GAD1: variants seen among roughly 807,000 people sequenced by gnomAD.
GAD1 encodes the protein 67 kDa glutamic acid decarboxylase.
A neutral mutation model predicts 75.2 loss-of-function variants in GAD1; 35 were observed. The ratio of observed to expected loss-of-function variants is 0.47; its 90% CI spans 0.36 to 0.62. GAD1 has a LOEUF of 0.62. GAD1 is among the 20% of genes least tolerant of loss of function. The pLI, the probability that GAD1 is intolerant of heterozygous loss-of-function variation, is 0.00. For missense variants in GAD1, 490 were observed against 758.5 expected, an observed-to-expected ratio of 0.65 and a Z score of 4.16; for synonymous variants, 257 against 271.9, an observed-to-expected ratio of 0.95 and a Z score of 0.54.
At chr2:170,829,989 C>T (rs1340735579) in intron 4 of GAD1, 5 of 310,154 alleles carry the variant, frequency 1.6e-5, no homozygotes, top group Non-Finnish European at 3.1e-5. Flanking sequence ...CACACATACA[C>T]ACAAAATCAC....
intron 6 of GAD1, among the ~76,000 whole-genome samples, chr2:170,839,445 G>A (rs570070463): frequency 2.0e-5 from 3 of 151,906 alleles, no homozygotes; most frequent in African/African-American, 7.2e-5. Flanking sequence ...GAAACTCCAT[G>A]TCTACTAAAA....
rs1043929744 is a variant in GAD1, at chr2:170,858,682, G to C, written c.1522-122G>C. The stretch of plus-strand genomic sequence containing the variant: ...GGTGTGGAAGTAACATTGCCTTTGA[G>C]ATGAACATTCAACCTCTTTCTTTGG... On this transcript the variant is annotated intron_variant, in intron 15 of 16. Coordinates refer to ENST00000358196, the MANE Select transcript of GAD1 (RefSeq NM_000817.3). 6 of 820,426 alleles carry C rather than the reference G, an allele frequency of 7.3e-6. No individual in the cohort carries two copies. In the East Asian group the frequency reaches 1.6e-4, roughly 22 times the overall value. The allele number at this position is 820,426 out of a possible 1,614,324, so 50.8% of individuals were successfully genotyped here.
At chr2:170,847,611 T>C in intron 10 of GAD1, 65 bp from the exon 11 acceptor site, 1 of 1,058,846 alleles carries the variant, frequency 9.4e-7, no homozygotes, top group African/African-American at 1.6e-5. Context: ...TTCTTCTTCC[T>C]GTGAAAATCA....
In GAD1 at chr2:170,858,863, C is replaced by T. The variant is rs1559288194; in HGVS notation, c.1581C>T (p.Asp527=). 6.2e-7 allele frequency: 1 copy of T among 1,614,202 alleles called. No homozygotes were observed. The highest frequency in any genetic ancestry group is 8.5e-7 in the Non-Finnish European group (1 of 1,180,016). Residue 527 remains aspartate (D), a synonymous_variant, in exon 16 of 17, where the codon GAC becomes GAT. Transcript: ENST00000358196. ...YIPQSLRGVP[D]SPQRREKLHK... Reference sequence around the variant, plus strand: ...CACAAAGCCTCAGGGGTGTGCCAGACAGCCCTCAACGACGGGAAAAGCTAC... The same window carrying T: ...CACAAAGCCTCAGGGGTGTGCCAGATAGCCCTCAACGACGGGAAAAGCTAC...
In GAD1 at chr2:170,818,278, C is replaced by G. The variant is rs1055993805; in HGVS notation, c.-63-251C>G. ...CTCGGCGCTTCACTCCAGGTCGCGCCGATGCACCGCCAGACTCGAGAGCGG... is the reference window on the plus strand; with the variant it reads ...CTCGGCGCTTCACTCCAGGTCGCGCGGATGCACCGCCAGACTCGAGAGCGG... On this transcript the variant is annotated intron_variant, in intron 1 of 16. Transcript: ENST00000358196. The surrounding 1 kb of genome is among the most constrained non-coding windows in gnomAD (Gnocchi z 5.9). The G allele has an allele frequency of 7.2e-6, 3 of 417,158 alleles. No homozygotes were observed. The highest frequency in any genetic ancestry group is 2.0e-5 in the African/African-American group (1 of 49,656). The allele number at this position is 417,158 out of a possible 1,614,324, so 25.8% of individuals were successfully genotyped here. A position where few individuals can be genotyped will look rare whatever the true frequency, so the allele number is the denominator to read the frequency against.
In GAD1 at chr2:170,847,569, G is replaced by C. The variant is rs1415500021; in HGVS notation, c.1003-107G>C. 11 of 817,170 alleles carry C rather than the reference G, an allele frequency of 1.3e-5. No homozygotes were observed. The Admixed American group carries it at 1.9e-4, about 14-fold the overall frequency. 50.6% of individuals were successfully genotyped at this position (817,170 alleles called of 1,614,324 possible). A position where few individuals can be genotyped will look rare whatever the true frequency, so the allele number is the denominator to read the frequency against. The stretch of plus-strand genomic sequence containing the variant: ...TAGTATCTGGTAATACATAAGTTTT[G>C]CCATTTACTGTTAGAAATAAATGTT... On this transcript the variant is annotated intron_variant, in intron 10 of 16. Transcript: ENST00000358196.
At chr2:170,838,520 G>C (rs1282210316) in intron 6 of GAD1, among the ~76,000 whole-genome samples, 2 of 152,162 alleles carry the variant, frequency 1.3e-5, no homozygotes, top group African/African-American at 4.8e-5. Flanking sequence ...CAGAGTAAAA[G>C]ATACATATCT....
intron 6 of GAD1, among the ~76,000 whole-genome samples, chr2:170,837,167 G>T (rs1276849889): frequency 6.6e-6 from 1 of 152,122 alleles, no homozygotes; most frequent in Non-Finnish European, 1.5e-5. Context: ...TCTGTTAATG[G>T]TGTATCTAAA....
chr2:170,836,437 G>A (rs1382033251), intron 5 of GAD1, among the ~76,000 whole-genome samples: 5 of 152,144 alleles, frequency 3.3e-5, no homozygotes, highest in Non-Finnish European at 7.3e-5. Context: ...TCACAGAGGA[G>A]AGCTAAGTTA....
intron 10 of GAD1, 95 bp downstream of exon 10, chr2:170,846,158 T>A: frequency 9.5e-7 from 1 of 1,051,482 alleles, no homozygotes; most frequent in Admixed American, 2.0e-5. Flanking sequence ...ACAATTTTCT[T>A]GTGCTTCTAA....
chr2:170,852,438 GAT>G (rs1243875207), intron 12 of GAD1: 2 of 467,758 alleles, frequency 4.3e-6, no homozygotes, highest in Admixed American at 3.3e-5. Context: ...ATACCATATT[GAT>G]ATAATACCTG....
chr2:170,830,583 A>G (rs1422483765), intron 4 of GAD1, among the ~76,000 whole-genome samples: 1 of 152,246 alleles, frequency 6.6e-6, no homozygotes, highest in South Asian at 2.1e-4. Flanking sequence ...ACACCAAACC[A>G]GATAGACAGG....
intron 6 of GAD1, among the ~76,000 whole-genome samples, chr2:170,841,402 C>T (rs548461664): frequency 2.6e-4 from 40 of 152,144 alleles, no homozygotes; most frequent in African/African-American, 8.9e-4. Context: ...TCTGTAATCC[C>T]AATTAGGTGA....
At chr2:170,829,747 A>G in intron 4 of GAD1, 114 bp downstream of exon 4, 2 of 1,207,756 alleles carry the variant, frequency 1.7e-6, no homozygotes, top group South Asian at 2.7e-5. Flanking sequence ...ATTCTCTCTG[A>G]ACCCACATGA....
chr2:170,846,102 AT>A, intron 10 of GAD1, 39 bp downstream of exon 10: 1 of 1,524,080 alleles, frequency 6.6e-7, no homozygotes, highest in East Asian at 2.3e-5. Context: ...CAGTTTTAAA[AT>A]ACCTTCTTTC....
chr2:170,836,217 G>A (rs1008176150), intron 5 of GAD1, among the ~76,000 whole-genome samples: 2 of 151,442 alleles, frequency 1.3e-5, no homozygotes, highest in East Asian at 1.9e-4. Context: ...AATCTATTGC[G>A]TTGACTCCTT....
Position 170,852,783 on chromosome 2 carries a change from C to A in GAD1, c.1254C>A (p.Val418=). 6.2e-7 allele frequency: 1 copy of A among 1,614,034 alleles called. No individual in the cohort carries two copies. Among genetic ancestry groups the A allele is most frequent in the South Asian group, 1.1e-5 (1 of 91,086 alleles). The change falls in exon 13 of 17, where the codon GTC becomes GTA. Residue 418 remains valine, a synonymous_variant. Coordinates refer to ENST00000358196, the MANE Select transcript of GAD1 (RefSeq NM_000817.3). The part of the protein sequence containing the change: ...GVLLQCSAIL[V]KEKGILQGCN... ...TGTTGCAGTGCTCTGCCATTCTCGTCAAGGAAAAGGTCTGTACTCCCTCCA... is the reference window on the plus strand; with the variant it reads ...TGTTGCAGTGCTCTGCCATTCTCGTAAAGGAAAAGGTCTGTACTCCCTCCA...
intron 12 of GAD1, among the ~76,000 whole-genome samples, chr2:170,850,579 G>A (rs1197252720): frequency 2.6e-5 from 4 of 152,154 alleles, no homozygotes; most frequent in African/African-American, 4.8e-5. Flanking sequence ...GGGAGAGCCC[G>A]CCCAGGGCTT....
chr2:170,822,872 G>A (rs1419863182), intron 3 of GAD1, among the ~76,000 whole-genome samples: 2 of 152,250 alleles, frequency 1.3e-5, no homozygotes, highest in East Asian at 1.9e-4. Context: ...GGGACGAGGA[G>A]CCGCAGGCGG....
Sources: allele counts gnomAD v4.1 joint callset (sites outside exome capture counted in the v4.1 genomes callset), GRCh38; gene constraint gnomAD v4.1.1; non-coding constraint Gnocchi (gnomAD v3.1); transcripts MANE v1.5; gene names NCBI Gene and HGNC (gene_info 2026-07-23, HGNC 2026-07-21).